Variants in HHAT observed in about 807,000 individuals in gnomAD.
The protein encoded by HHAT is hedgehog acyltransferase.
In HHAT, 47 loss-of-function variants were observed where a neutral mutation model predicts 70.8. The observed-to-expected ratio is 0.66, with a 90% CI of 0.53 to 0.85. The LOEUF is 0.85. HHAT is among the 40% of genes least tolerant of loss of function. The pLI is 0.00. For missense variants in HHAT, 609 were observed against 604.8 expected (o/e 1.01, Z -0.07); for synonymous variants, 228 against 247.6 (o/e 0.92, Z 0.74).
intron 9 of HHAT, among the ~76,000 whole-genome samples, chr1:210,518,521 G>A (rs1162132189): frequency 1.3e-5 from 2 of 152,128 alleles, no homozygotes; most frequent in African/African-American, 2.4e-5. Context: ...CCCCAGGCAC[G>A]GTGGCTCGCA....
chr1:210,502,424 T>C (rs192549884), intron 8 of HHAT, among the ~76,000 whole-genome samples: 1 of 147,422 alleles, frequency 6.8e-6, no homozygotes, highest in African/African-American at 2.5e-5. Flanking sequence ...CCAGAAATTA[T>C]AAGCATAATC....
chr1:210,509,385 C>T (rs1000227876), intron 8 of HHAT, among the ~76,000 whole-genome samples: 9 of 152,132 alleles, frequency 5.9e-5, no homozygotes, highest in African/African-American at 1.7e-4. Context: ...CCTCTAATAA[C>T]AAAACTCAGG....
chr1:210,429,525 C>T (rs1217823765), intron 7 of HHAT, among the ~76,000 whole-genome samples: 1 of 151,844 alleles, frequency 6.6e-6, no homozygotes. Flanking sequence ...ATTTGTTCTT[C>T]TATCCCATCT....
intron 8 of HHAT, among the ~76,000 whole-genome samples, chr1:210,499,393 T>C (rs1406468334): frequency 6.6e-6 from 1 of 152,154 alleles, no homozygotes; most frequent in Non-Finnish European, 1.5e-5. Flanking sequence ...TCCCAACACT[T>C]TGGGAGGCCA....
intron 11 of HHAT, among the ~76,000 whole-genome samples, chr1:210,628,865 A>G (rs1471876683): frequency 6.6e-6 from 1 of 152,160 alleles, no homozygotes; most frequent in Non-Finnish European, 1.5e-5. Context: ...ATATCTTCTT[A>G]AATTCTTGGG....
chr1:210,650,573 A>T (rs1558354776), intron 11 of HHAT, among the ~76,000 whole-genome samples: 1 of 152,250 alleles, frequency 6.6e-6, no homozygotes, highest in Admixed American at 6.5e-5. Flanking sequence ...ACATAATACA[A>T]GGGCCTTTTG....
At chr1:210,444,282 A>G (rs1249884280) in intron 7 of HHAT, among the ~76,000 whole-genome samples, 4 of 122,168 alleles carry the variant, frequency 3.3e-5, no homozygotes, top group Non-Finnish European at 5.4e-5. Context: ...ATCAATGTTC[A>G]TCAAGGATAT....
At chr1:210,578,685 A>T (rs1392536071) in intron 9 of HHAT, among the ~76,000 whole-genome samples, 1 of 152,228 alleles carries the variant, frequency 6.6e-6, no homozygotes, top group Non-Finnish European at 1.5e-5. Flanking sequence ...GTGAATGAAC[A>T]TGGAGAATAT....
chr1:210,352,928 T>C (rs911862552), intron 2 of HHAT, among the ~76,000 whole-genome samples: 3 of 151,662 alleles, frequency 2.0e-5, no homozygotes, highest in African/African-American at 7.3e-5. Context: ...TTTGTCTCTG[T>C]TTACTTTTTT....
intron 7 of HHAT, among the ~76,000 whole-genome samples, chr1:210,437,719 A>G (rs143180942): frequency 4.6e-5 from 7 of 151,924 alleles, no homozygotes; most frequent in African/African-American, 1.2e-4. Context: ...TGGGTCACAA[A>G]TATCTCCCCT....
chr1:210,501,577 T>G (rs2094754796), intron 8 of HHAT, among the ~76,000 whole-genome samples: 1 of 152,234 alleles, frequency 6.6e-6, no homozygotes, highest in African/African-American at 2.4e-5. Flanking sequence ...AGTCCCTCAC[T>G]GCAGAAGCAG....
In HHAT at chr1:210,501,590, A is replaced by G. The variant is rs188024780; in HGVS notation, c.1008-11563A>G. On this transcript the variant is annotated intron_variant, in intron 8 of 11. Transcript: ENST00000261458. ...AGAGTCCCTCACTGCAGAAGCAGCTAACAAAACCCATGTCTGCAATCTGCT... is the reference window on the plus strand; with the variant it reads ...AGAGTCCCTCACTGCAGAAGCAGCTGACAAAACCCATGTCTGCAATCTGCT... Among the ~76,000 whole-genome samples, 25 of 152,350 alleles carry G rather than the reference A, an allele frequency of 1.6e-4. No homozygotes were observed. The East Asian group carries it at 4.6e-3, about 28-fold the overall frequency.
chr1:210,629,134 G>T (rs1031899189), intron 11 of HHAT, among the ~76,000 whole-genome samples: 1 of 152,210 alleles, frequency 6.6e-6, no homozygotes, highest in African/African-American at 2.4e-5. Flanking sequence ...CAGTCTATCC[G>T]TGTTTACATC....
chr1:210,468,837 A>G (rs974786778), intron 8 of HHAT, among the ~76,000 whole-genome samples: 13 of 152,178 alleles, frequency 8.5e-5, no homozygotes, highest in Non-Finnish European at 1.6e-4. Context: ...GAAAAGGTCA[A>G]ATAGGTGCTG....
chr1:210,643,181 A>G (rs1673310452), intron 11 of HHAT, among the ~76,000 whole-genome samples: 1 of 152,200 alleles, frequency 6.6e-6, no homozygotes, highest in South Asian at 2.1e-4. Context: ...TGCTGGGCCA[A>G]TACTGCACTA....
At chr1:210,340,038 T>C (rs2085868071) in intron 1 of HHAT, among the ~76,000 whole-genome samples, 2 of 151,970 alleles carry the variant, frequency 1.3e-5, no homozygotes, top group Admixed American at 1.3e-4. Context: ...GAATAAGTCT[T>C]TGTAAGACTC....
intron 11 of HHAT, among the ~76,000 whole-genome samples, chr1:210,662,382 C>T (rs138657537): frequency 4.1e-4 from 62 of 152,318 alleles, no homozygotes; most frequent in African/African-American, 1.3e-3. Context: ...AAGCCTGATT[C>T]GTGGTGTGCC....
Position 210,513,187 on chromosome 1 carries a change from A to T in HHAT, c.1042A>T (p.Arg348Trp). Reference protein sequence around the residue: ...FDVGLHNFLIRYVYIPVGGSQ... With the variant: ...FDVGLHNFLIWYVYIPVGGSQ... ...TGTTGGACTGCATAATTTCTTAATC[A>T]GGTAAGCCAATAATTTTTATTTTAG... Residue 348 changes from arginine (R) to tryptophan (W), a missense_variant and splice_region_variant, in exon 9 of 12, where the codon AGG becomes TGG. Coordinates refer to ENST00000261458, the MANE Select transcript of HHAT (RefSeq NM_018194.6). 6.8e-7 allele frequency: 1 copy of T among 1,478,766 alleles called. No individual in the cohort carries two copies. The highest frequency in any genetic ancestry group is 9.4e-7 in the Non-Finnish European group (1 of 1,063,382). The allele number at this position is 1,478,766 out of a possible 1,614,324, so 91.6% of individuals were successfully genotyped here.
At chr1:210,566,252 A>G (rs1453878132) in intron 9 of HHAT, among the ~76,000 whole-genome samples, 2 of 152,190 alleles carry the variant, frequency 1.3e-5, no homozygotes, top group Non-Finnish European at 2.9e-5. Context: ...GCTAGAAAAT[A>G]TTAAACATTG....
Sources: allele counts gnomAD v4.1 joint callset (sites outside exome capture counted in the v4.1 genomes callset), GRCh38; gene constraint gnomAD v4.1.1; transcripts MANE v1.5; gene names NCBI Gene and HGNC (gene_info 2026-07-23, HGNC 2026-07-21).